Variants in GLI3 observed in about 807,000 individuals in gnomAD.
GLI3 encodes GLI family zinc finger 3.
A neutral mutation model predicts 100.8 loss-of-function variants in GLI3; 20 were observed. The ratio of observed to expected loss-of-function variants is 0.20; its 90% CI spans 0.14 to 0.29. GLI3 has a LOEUF of 0.29. Among genes scored for constraint, GLI3 ranks in the 10% least tolerant of loss-of-function variants. The pLI, the probability that GLI3 is intolerant of heterozygous loss-of-function variation, is 1.00. For synonymous variants in GLI3, 938 were observed against 860.5 expected (o/e 1.09, Z -1.58); for missense variants, 2,040 against 2,128.5 (o/e 0.96, Z 0.82).
chr7:42,022,614 C>A (rs1022925654), intron 10 of GLI3, among the ~76,000 whole-genome samples: 2 of 152,162 alleles, frequency 1.3e-5, no homozygotes, highest in African/African-American at 4.8e-5. Flanking sequence ...GTGCTTCTGC[C>A]AGGAGTTGTA....
At chr7:42,186,103 C>T (rs1787711631) in intron 2 of GLI3, among the ~76,000 whole-genome samples, 1 of 152,174 alleles carries the variant, frequency 6.6e-6, no homozygotes, top group Admixed American at 6.5e-5. Context: ...AGCGAACTTA[C>T]CATGGGCTTA....
At chr7:42,261,470 CACT>C (rs1789139984) in intron 1 of GLI3, among the ~76,000 whole-genome samples, 1 of 152,080 alleles carries the variant, frequency 6.6e-6, no homozygotes, top group Non-Finnish European at 1.5e-5. Context: ...CTCAGCTATC[CACT>C]AACCGTTCAC....
chr7:42,133,822 C>T (rs539620955), intron 3 of GLI3, among the ~76,000 whole-genome samples: 35 of 152,162 alleles, frequency 2.3e-4, no homozygotes, highest in Middle Eastern at 3.4e-3. Flanking sequence ...TGGCTCCTGC[C>T]TATAATCCTA....
intron 3 of GLI3, among the ~76,000 whole-genome samples, chr7:42,142,262 A>C (rs1380516275): frequency 6.6e-6 from 1 of 152,152 alleles, no homozygotes; most frequent in Admixed American, 6.5e-5. Flanking sequence ...CAACTATACA[A>C]GCAGGGCAAC....
At chr7:42,011,757 G>A (rs770559352) in intron 10 of GLI3, among the ~76,000 whole-genome samples, 5 of 152,138 alleles carry the variant, frequency 3.3e-5, no homozygotes, top group Non-Finnish European at 5.9e-5. Context: ...AGGGGCTGGC[G>A]GGGAGGGGGA....
chr7:42,123,913 C>T (rs1562743304), intron 3 of GLI3, among the ~76,000 whole-genome samples: 1 of 152,274 alleles, frequency 6.6e-6, no homozygotes, highest in African/African-American at 2.4e-5. Context: ...GAGTCTGGCA[C>T]GAAGCCAAGA....
At chr7:42,107,255 C>A (rs778224272) in intron 3 of GLI3, among the ~76,000 whole-genome samples, 8 of 151,434 alleles carry the variant, frequency 5.3e-5, no homozygotes, top group Non-Finnish European at 1.2e-4. Context: ...CCCTTGAGCC[C>A]GGGAGGTCGG....
In GLI3 at chr7:42,223,213, T is replaced by C; in HGVS notation, c.41A>G (p.Lys14Arg). The change falls in exon 2 of 15, where the codon AAA (lysine) becomes AGA (arginine). Residue 14 changes from lysine to arginine, a missense_variant. Coordinates refer to ENST00000395925, the MANE Select transcript of GLI3 (RefSeq NM_000168.6). ...QSHSSTTTEKKKVENSIVKCS... is the reference protein window; with the variant it reads ...QSHSSTTTEKRKVENSIVKCS... ...CTTCACTATGGAATTCTCAACTTTT[T>C]TCTTTTCAGTGGTCGTGGAGCTGTG... 6.2e-7 allele frequency: 1 copy of C among 1,614,028 alleles called. No individual in the cohort carries two copies. Among genetic ancestry groups the C allele is most frequent in the East Asian group, 2.2e-5 (1 of 44,872 alleles).
At chr7:42,210,139 AC>A (rs1788237395) in intron 2 of GLI3, among the ~76,000 whole-genome samples, 1 of 152,056 alleles carries the variant, frequency 6.6e-6, no homozygotes, top group Non-Finnish European at 1.5e-5. Flanking sequence ...CCGCTGTCGA[AC>A]ATGGTTCATT....
intron 3 of GLI3, among the ~76,000 whole-genome samples, chr7:42,132,325 C>A (rs1583585332): frequency 6.6e-6 from 1 of 152,136 alleles, no homozygotes; most frequent in South Asian, 2.1e-4. Context: ...TGGTCTCGAT[C>A]TCCTGACCTC....
Position 42,045,433 on chromosome 7 carries a change from G to A in GLI3, c.777C>T (p.Ala259=). 1 of 1,613,958 alleles carries A rather than the reference G, an allele frequency of 6.2e-7. No homozygotes were observed. The change falls in exon 6 of 15, where the codon GCC becomes GCT. Residue 259 remains alanine (A), a synonymous_variant. Coordinates refer to ENST00000395925, the MANE Select transcript of GLI3 (RefSeq NM_000168.6). ...SPYADIIPSA[A]TAGTGAIHME... is the part of the protein sequence containing the mutation. ...TGTGGATGGCCCCCGTGCCGGCGGT[G>A]GCAGCTGAGGGAATAATGTCTGCAT...
chr7:42,205,251 C>T (rs1266896221), intron 2 of GLI3, among the ~76,000 whole-genome samples: 1 of 152,216 alleles, frequency 6.6e-6, no homozygotes, highest in East Asian at 1.9e-4. Flanking sequence ...CATACCTTCT[C>T]TCTTTGATTT....
At chr7:42,244,201 C>A (rs1438393097) in intron 1 of GLI3, among the ~76,000 whole-genome samples, 1 of 152,188 alleles carries the variant, frequency 6.6e-6, no homozygotes. Flanking sequence ...CTATTTCTTA[C>A]AGAGGGTTCT....
At chr7:42,185,975 A>C (rs1012503517) in intron 2 of GLI3, among the ~76,000 whole-genome samples, 4 of 152,214 alleles carry the variant, frequency 2.6e-5, no homozygotes, top group Non-Finnish European at 4.4e-5. Context: ...GCAGCTAAGA[A>C]CTTAGCCTCA....
chr7:42,073,037 G>A (rs962866251), intron 4 of GLI3, among the ~76,000 whole-genome samples: 5 of 152,098 alleles, frequency 3.3e-5, no homozygotes, highest in Non-Finnish European at 5.9e-5. Context: ...CAAATTACTT[G>A]AATTAAACAA....
chr7:42,121,489 T>C (rs1490882011), intron 3 of GLI3, among the ~76,000 whole-genome samples: 2 of 152,156 alleles, frequency 1.3e-5, no homozygotes, highest in African/African-American at 4.8e-5. Context: ...GAAATACCAA[T>C]GTATGTTATT....
At chr7:42,046,111 C>CA (rs1784239471) in intron 5 of GLI3, among the ~76,000 whole-genome samples, 1 of 152,146 alleles carries the variant, frequency 6.6e-6, no homozygotes, top group Non-Finnish European at 1.5e-5. Context: ...ATTACAAAAT[C>CA]AAAAAGAAAA....
chr7:42,189,440 T>A (rs12534805), intron 2 of GLI3, among the ~76,000 whole-genome samples: 22,049 of 152,226 alleles, frequency 0.14, 2,086 homozygotes, highest in Non-Finnish European at 0.22. Flanking sequence ...CAGAACTCCT[T>A]CCTGTATTGA....
chr7:42,039,963 A>AT, intron 7 of GLI3, 75 bp downstream of exon 7: 1 of 1,091,408 alleles, frequency 9.2e-7, no homozygotes, highest in South Asian at 1.2e-5. Context: ...GGTACTGAAA[A>AT]TGCATCACTA....
Sources: allele counts gnomAD v4.1 joint callset (sites outside exome capture counted in the v4.1 genomes callset), GRCh38; gene constraint gnomAD v4.1.1; transcripts MANE v1.5; gene names NCBI Gene and HGNC (gene_info 2026-07-23, HGNC 2026-07-21).